PTPRD: variants seen among roughly 807,000 people sequenced by gnomAD.
PTPRD encodes the protein protein tyrosine phosphatase receptor type D, also known as receptor-type tyrosine-protein phosphatase delta.
Under a neutral mutation model 214.5 loss-of-function variants are expected in PTPRD, and 34 were observed. That is an observed-to-expected ratio of 0.16 (90% CI 0.12 to 0.21). The LOEUF (loss-of-function observed/expected upper bound fraction) is 0.21. PTPRD is among the 10% of genes least tolerant of loss of function. PTPRD has a pLI of 1.00. For synonymous variants in PTPRD, 1,128 were observed against 845.7 expected (o/e 1.33, Z -5.79); for missense variants, 2,545 against 2,398.7 (o/e 1.06, Z -1.27).
chr9:10,016,147 T>C (rs1211811087), intron 4 of PTPRD, among the ~76,000 whole-genome samples: 2 of 152,210 alleles, frequency 1.3e-5, no homozygotes, highest in African/African-American at 4.8e-5. Context: ...TAAATATGTA[T>C]ACAATTTTGG....
chr9:9,180,578 T>C (rs568852311), intron 10 of PTPRD, among the ~76,000 whole-genome samples: 30 of 152,124 alleles, frequency 2.0e-4, no homozygotes, highest in African/African-American at 7.2e-4. Context: ...GCACATGTAC[T>C]CTAAAACTTA....
At chr9:9,925,997 T>C (rs1311412268) in intron 5 of PTPRD, among the ~76,000 whole-genome samples, 1 of 151,898 alleles carries the variant, frequency 6.6e-6, no homozygotes, top group Non-Finnish European at 1.5e-5. Flanking sequence ...CCTAGAAAAT[T>C]TTTTTTAAGT....
intron 2 of PTPRD, among the ~76,000 whole-genome samples, chr9:10,562,817 A>T (rs1488477618): frequency 1.3e-5 from 2 of 152,158 alleles, no homozygotes; most frequent in Non-Finnish European, 2.9e-5. Flanking sequence ...GACTATAAGC[A>T]CATTGGAGAC....
At chr9:9,128,292 C>G (rs1039907456) in intron 10 of PTPRD, among the ~76,000 whole-genome samples, 2 of 152,142 alleles carry the variant, frequency 1.3e-5, no homozygotes, top group African/African-American at 4.8e-5. Flanking sequence ...CATTAGCTCT[C>G]CTTTAACCTT....
chr9:8,812,173 T>TC (rs1019651265), intron 11 of PTPRD, among the ~76,000 whole-genome samples: 2 of 152,268 alleles, frequency 1.3e-5, no homozygotes, highest in South Asian at 2.1e-4. Context: ...CCAACAGACT[T>TC]CCATTCTTTA....
intron 11 of PTPRD, among the ~76,000 whole-genome samples, chr9:8,845,194 A>C (rs1010189482): frequency 1.5e-4 from 23 of 150,148 alleles, no homozygotes; most frequent in African/African-American, 5.1e-4. Context: ...AAAAAAAAAC[A>C]CACAATTCTG....
intron 15 of PTPRD, 102 bp downstream of exon 15, chr9:8,528,489 G>A (rs775589231): frequency 8.6e-6 from 9 of 1,046,646 alleles, no homozygotes; most frequent in Non-Finnish European, 1.1e-5. Context: ...AGAAAAATCA[G>A]TACCTAGAAA....
At position 9,972,251 on chromosome 9, in the gene PTPRD, A is replaced by G. The variant is rs577704488; in HGVS notation, c.-471-33641T>C. ...TTGCCACATTAAATAGCAAACATAC[A>G]GTGTTTAACATGCACATTTCCTCCT... On this transcript the variant is annotated intron_variant, in intron 4 of 45. Transcript: ENST00000381196. 1.5e-4 allele frequency among the ~76,000 whole-genome samples: 23 copies of G among 152,294 alleles called. No individual in the cohort carries two copies. The South Asian group carries it at 4.8e-3, about 32-fold the overall frequency.
chr9:8,777,433 G>A (rs1394286747), intron 11 of PTPRD, among the ~76,000 whole-genome samples: 11 of 152,132 alleles, frequency 7.2e-5, no homozygotes, highest in Non-Finnish European at 1.0e-4. Flanking sequence ...ACATTTTTAC[G>A]TAATTTTGAA....
intron 2 of PTPRD, among the ~76,000 whole-genome samples, chr9:10,535,214 C>T (rs1377586844): frequency 6.6e-6 from 1 of 152,034 alleles, no homozygotes; most frequent in African/African-American, 2.4e-5. Context: ...CAGATTGCTG[C>T]TTTAATGTTG....
At chr9:9,467,983 T>C (rs1445618222) in intron 8 of PTPRD, among the ~76,000 whole-genome samples, 1 of 152,164 alleles carries the variant, frequency 6.6e-6, no homozygotes, top group Non-Finnish European at 1.5e-5. Flanking sequence ...CCAACTTTAC[T>C]ATTAAACATC....
chr9:9,804,655 A>G (rs954924870), intron 5 of PTPRD, among the ~76,000 whole-genome samples: 8 of 152,090 alleles, frequency 5.3e-5, no homozygotes, highest in African/African-American at 1.9e-4. Flanking sequence ...GGGAGAAAGC[A>G]TATTATGAAA....
chr9:10,057,029 G>T (rs2154161409), intron 3 of PTPRD, among the ~76,000 whole-genome samples: 1 of 152,240 alleles, frequency 6.6e-6, no homozygotes, highest in Non-Finnish European at 1.5e-5. Context: ...ACAAGGCAAA[G>T]TAGAAATTAA....
intron 12 of PTPRD, among the ~76,000 whole-genome samples, chr9:8,654,987 C>T (rs2096881927): frequency 6.6e-6 from 1 of 151,986 alleles, no homozygotes; most frequent in African/African-American, 2.4e-5. Context: ...AACAATTTCA[C>T]ATACTAAAAC....
At chr9:9,916,872 T>A (rs2080987825) in intron 5 of PTPRD, among the ~76,000 whole-genome samples, 1 of 151,782 alleles carries the variant, frequency 6.6e-6, no homozygotes. Flanking sequence ...ATATCAAGTA[T>A]CCCATTGATC....
intron 3 of PTPRD, among the ~76,000 whole-genome samples, chr9:10,256,668 C>T (rs1595499245): frequency 6.6e-6 from 1 of 152,284 alleles, no homozygotes; most frequent in South Asian, 2.1e-4. Context: ...CTGACCAAGT[C>T]TCCGTCCCAT....
rs140230430 is a variant in PTPRD, at chr9:10,496,986, T to C, written c.-600+115412A>G. Among the ~76,000 whole-genome samples the C allele has an allele frequency of 8.2e-4, 125 of 152,168 alleles. 1 individual carries two copies. The highest frequency in any genetic ancestry group is 6.5e-4 in the Non-Finnish European group (44 of 67,980). On this transcript the variant is annotated intron_variant, in intron 2 of 45. Coordinates refer to ENST00000381196, the MANE Select transcript of PTPRD (RefSeq NM_002839.4). Reference sequence around the variant, plus strand: ...ACAGCCATAAAAAAGAATGGAATAATGTCCTTTGCACCAACATGGATGCAG... The same window carrying C: ...ACAGCCATAAAAAAGAATGGAATAACGTCCTTTGCACCAACATGGATGCAG...
chr9:9,467,939 C>G (rs2094328664), intron 8 of PTPRD, among the ~76,000 whole-genome samples: 1 of 152,090 alleles, frequency 6.6e-6, no homozygotes, highest in African/African-American at 2.4e-5. Context: ...GTTCATAAGA[C>G]AGGTTAGCCT....
chr9:9,862,116 G>C (rs1282289967), intron 5 of PTPRD, among the ~76,000 whole-genome samples: 1 of 151,884 alleles, frequency 6.6e-6, no homozygotes, highest in Non-Finnish European at 1.5e-5. Flanking sequence ...TTACAAGATG[G>C]TTTGCTTCAA....
Sources: allele counts gnomAD v4.1 joint callset (sites outside exome capture counted in the v4.1 genomes callset), GRCh38; gene constraint gnomAD v4.1.1; transcripts MANE v1.5; gene names NCBI Gene and HGNC (gene_info 2026-07-23, HGNC 2026-07-21).